OXR1: variants seen among roughly 807,000 people sequenced by gnomAD.
The protein encoded by OXR1 is oxidation resistance 1.
OXR1 carries 41 observed loss-of-function variants against 104.6 expected under a neutral mutation model. The ratio of observed to expected loss-of-function variants is 0.39; its 90% confidence interval spans 0.31 to 0.51. The LOEUF is 0.51. Among genes scored for constraint, OXR1 ranks in the 20% least tolerant of loss-of-function variants. The pLI is 0.77. For synonymous variants in OXR1, 348 were observed against 348.4 expected, an observed-to-expected ratio of 1.00 and a Z score of 0.01; for missense variants, 955 against 1,031.9, an observed-to-expected ratio of 0.93 and a Z score of 1.02.
intron 2 of OXR1, among the ~76,000 whole-genome samples, chr8:106,486,371 C>A (rs574974851): frequency 6.6e-6 from 1 of 152,204 alleles, no homozygotes; most frequent in East Asian, 1.9e-4. Context: ...TTTCTTCTAG[C>A]AAATTGTGCA....
At chr8:106,351,355 A>G (rs1815719488) in intron 1 of OXR1, among the ~76,000 whole-genome samples, 1 of 152,212 alleles carries the variant, frequency 6.6e-6, no homozygotes, top group Admixed American at 6.5e-5. Context: ...TGGAATAAGA[A>G]CAGGATGTTG....
intron 3 of OXR1, among the ~76,000 whole-genome samples, chr8:106,555,015 T>C (rs1816158084): frequency 6.6e-6 from 1 of 152,196 alleles, no homozygotes; most frequent in African/African-American, 2.4e-5. Context: ...TTACCAGTTT[T>C]AGTCCCTGTG....
intron 3 of OXR1, among the ~76,000 whole-genome samples, chr8:106,616,088 G>C (rs13269933): frequency 0.023 from 3,413 of 146,328 alleles, 64 homozygotes; most frequent in Admixed American, 0.046. Flanking sequence ...CAGGCTGGAG[G>C]GCAGTGGCAA....
chr8:106,376,060 G>T (rs145417524), intron 2 of OXR1, among the ~76,000 whole-genome samples: 1 of 152,108 alleles, frequency 6.6e-6, no homozygotes, highest in African/African-American at 2.4e-5. Flanking sequence ...TGTTACCCAG[G>T]CTGGTCTCAA....
chr8:106,494,138 T>G (rs1343134122), intron 2 of OXR1, among the ~76,000 whole-genome samples: 1 of 152,178 alleles, frequency 6.6e-6, no homozygotes, highest in Non-Finnish European at 1.5e-5. Flanking sequence ...TAAGAGAACA[T>G]GCTGCAGTTC....
At position 106,435,545 on chromosome 8, in the gene OXR1, T is replaced by C. The variant is rs1586640655; in HGVS notation, c.23+75909T>C. On this transcript the variant is annotated intron_variant, in intron 2 of 16. Coordinates refer to ENST00000517566, the MANE Select transcript of OXR1 (RefSeq NM_001198533.2). ...AAAGCCTGAGTTATTCATATGTTCA[T>C]GTGACTTTATAAGCACATCGGGGAC... Among the ~76,000 whole-genome samples the C allele has an allele frequency of 2.0e-5, 3 of 152,322 alleles. 1 individual carries two copies. Among genetic ancestry groups the C allele is most frequent in the African/African-American group, 2.4e-5 (1 of 41,572 alleles).
intron 2 of OXR1, among the ~76,000 whole-genome samples, chr8:106,414,124 G>A (rs1239243916): frequency 6.6e-6 from 1 of 152,052 alleles, no homozygotes; most frequent in Non-Finnish European, 1.5e-5. Flanking sequence ...GTATAAATAA[G>A]GATCTAAGGA....
chr8:106,710,689 A>G lies in OXR1; in HGVS notation c.1692A>G (p.Lys564=). ...LHKFLCLRVG[K]PMRKTFVSQA... is the part of the protein sequence containing the mutation. ...AGTTCTTGTGTCTCAGAGTTGGAAAACCAATGAGGAAAACGTTTGTATCTC... is the reference window on the plus strand; with the variant it reads ...AGTTCTTGTGTCTCAGAGTTGGAAAGCCAATGAGGAAAACGTTTGTATCTC... Residue 564 remains lysine (K), a synonymous_variant, in exon 10 of 17, where the codon AAA becomes AAG. Transcript: ENST00000517566. 1 of 1,604,654 alleles carries G rather than the reference A, an allele frequency of 6.2e-7. No individual in the cohort carries two copies. Among genetic ancestry groups the G allele is most frequent in the Non-Finnish European group, 8.5e-7 (1 of 1,175,028 alleles).
chr8:106,405,227 G>C (rs1484212386), intron 2 of OXR1, among the ~76,000 whole-genome samples: 2 of 125,294 alleles, frequency 1.6e-5, no homozygotes. Context: ...GTGTGTGTGT[G>C]TGTGTGTGTG....
intron 2 of OXR1, among the ~76,000 whole-genome samples, chr8:106,475,849 T>G (rs1052824332): frequency 2.6e-5 from 4 of 152,008 alleles, no homozygotes; most frequent in African/African-American, 7.2e-5. Flanking sequence ...CTCTTTCATT[T>G]CTTCAAGATT....
At chr8:106,644,457 G>A (rs1036509167) in intron 3 of OXR1, among the ~76,000 whole-genome samples, 2 of 152,142 alleles carry the variant, frequency 1.3e-5, no homozygotes, top group East Asian at 3.8e-4. Context: ...TGCTGAAATA[G>A]GTGTATATTT....
intron 2 of OXR1, among the ~76,000 whole-genome samples, chr8:106,482,411 C>A: frequency 5.2e-5 from 1 of 19,106 alleles, no homozygotes. Flanking sequence ...GAGTTAGGAA[C>A]TGGGGGAAAA....
At chr8:106,372,099 G>T (rs991200434) in intron 2 of OXR1, among the ~76,000 whole-genome samples, 14 of 152,248 alleles carry the variant, frequency 9.2e-5, no homozygotes, top group African/African-American at 3.4e-4. Flanking sequence ...CAGCTGAGAG[G>T]CTGTAAGAAT....
In OXR1 at chr8:106,560,768, A is replaced by T. The variant is rs543126195; in HGVS notation, c.220+41629A>T. On this transcript the variant is annotated intron_variant, in intron 3 of 16. Transcript: ENST00000517566. ...TGGTCTGCAGCTCCCAGCAAGACCA[A>T]TGCAGAAGGTGGGTGATTTCTGCAT... is the stretch of plus-strand genomic sequence containing the variant. Among the ~76,000 whole-genome samples the T allele has an allele frequency of 3.1e-4, 47 of 152,090 alleles. 1 individual carries two copies. In the South Asian group the frequency reaches 9.8e-3, roughly 32 times the overall value.
At chr8:106,674,664 T>C (rs891655589) in intron 3 of OXR1, among the ~76,000 whole-genome samples, 16 of 152,168 alleles carry the variant, frequency 1.1e-4, no homozygotes, top group African/African-American at 3.4e-4. Flanking sequence ...TCTTGAAATA[T>C]TATCCCCATA....
chr8:106,614,889 T>C (rs1481915706), intron 3 of OXR1, among the ~76,000 whole-genome samples: 5 of 152,232 alleles, frequency 3.3e-5, no homozygotes, highest in Non-Finnish European at 7.3e-5. Context: ...AGTATTACTA[T>C]ACCATCTATT....
At chr8:106,456,396 A>G (rs1180710195) in intron 2 of OXR1, among the ~76,000 whole-genome samples, 2 of 152,210 alleles carry the variant, frequency 1.3e-5, no homozygotes, top group African/African-American at 4.8e-5. Context: ...CAGAATTAAC[A>G]TTATTTATCT....
At chr8:106,551,919 G>A (rs1216593339) in intron 3 of OXR1, among the ~76,000 whole-genome samples, 2 of 145,510 alleles carry the variant, frequency 1.4e-5, no homozygotes, top group Non-Finnish European at 3.0e-5. Flanking sequence ...TATATATAGC[G>A]GCCATGGTGG....
chr8:106,427,964 T>C (rs1341325565), intron 2 of OXR1, among the ~76,000 whole-genome samples: 1 of 152,198 alleles, frequency 6.6e-6, no homozygotes, highest in African/African-American at 2.4e-5. Context: ...GAAATTTCTA[T>C]GATAATGGAA....
Sources: gnomAD v4.1 joint callset for allele counts (sites outside exome capture counted in the v4.1 genomes callset) on GRCh38, gnomAD v4.1.1 for gene constraint, MANE v1.5 for transcripts, NCBI Gene and HGNC (gene_info 2026-07-23, HGNC 2026-07-21) for gene names.